CUBN: variants seen among roughly 807,000 people sequenced by gnomAD.
The protein encoded by CUBN is cubilin, also known as 460 kDa receptor.
A neutral mutation model predicts 405.3 loss-of-function variants in CUBN; 282 were observed. The observed-to-expected ratio is 0.70, with a 90% CI of 0.63 to 0.77. CUBN has a LOEUF of 0.77. CUBN is among the 30% of genes least tolerant of loss of function. CUBN has a pLI of 0.00. For missense variants in CUBN, 4,514 were observed against 4,475.2 expected (o/e 1.01, Z -0.25); for synonymous variants, 1,684 against 1,617.0 (o/e 1.04, Z -0.99).
intron 21 of CUBN, among the ~76,000 whole-genome samples, chr10:17,065,893 A>G (rs1425501460): frequency 6.6e-6 from 1 of 152,172 alleles, no homozygotes; most frequent in African/African-American, 2.4e-5. Flanking sequence ...AAGTTTAATA[A>G]AAGCTACACT....
At chr10:16,843,897 A>G (rs928081507) in intron 60 of CUBN, among the ~76,000 whole-genome samples, 2 of 152,218 alleles carry the variant, frequency 1.3e-5, no homozygotes, top group African/African-American at 4.8e-5. Context: ...TAAGTGCTAC[A>G]ATAAAATAAT....
At chr10:17,116,289 C>G (rs1173697417) in intron 6 of CUBN, among the ~76,000 whole-genome samples, 1 of 152,170 alleles carries the variant, frequency 6.6e-6, no homozygotes, top group Non-Finnish European at 1.5e-5. Context: ...TTGTTTTAAG[C>G]CCTTGTCATT....
At chr10:16,997,169 C>T (rs1213769225) in intron 28 of CUBN, among the ~76,000 whole-genome samples, 2 of 152,218 alleles carry the variant, frequency 1.3e-5, no homozygotes, top group Non-Finnish European at 2.9e-5. Context: ...GGCGCAGTGG[C>T]TCATGCCTGT....
intron 27 of CUBN, among the ~76,000 whole-genome samples, chr10:17,032,913 T>C (rs914262727): frequency 6.6e-6 from 1 of 152,172 alleles, no homozygotes; most frequent in Non-Finnish European, 1.5e-5. Flanking sequence ...CCTGTTGTTA[T>C]CCATCTCTGT....
At chr10:16,860,303 T>TA (rs1176232617) in intron 59 of CUBN, among the ~76,000 whole-genome samples, 3 of 152,052 alleles carry the variant, frequency 2.0e-5, no homozygotes, top group Non-Finnish European at 4.4e-5. Context: ...TAAAAGGGTT[T>TA]AAAAACATAT....
intron 40 of CUBN, among the ~76,000 whole-genome samples, chr10:16,929,881 T>G (rs1173755223): frequency 3.9e-5 from 6 of 152,238 alleles, no homozygotes; most frequent in Non-Finnish European, 8.8e-5. Context: ...CTATTGATTT[T>G]GATTTCTTTT....
chr10:17,039,384 A>G (rs1256068828), intron 27 of CUBN, among the ~76,000 whole-genome samples: 1 of 152,174 alleles, frequency 6.6e-6, no homozygotes, highest in African/African-American at 2.4e-5. Flanking sequence ...GAACTTACTG[A>G]ACTCCTGTAA....
At chr10:17,061,659 A>C (rs1051729618) in intron 22 of CUBN, among the ~76,000 whole-genome samples, 3 of 152,182 alleles carry the variant, frequency 2.0e-5, no homozygotes, top group African/African-American at 7.2e-5. Context: ...CCTGGGAAGG[A>C]GGGAGGCCAA....
chr10:17,072,158 G>A (rs1835755547), intron 17 of CUBN, among the ~76,000 whole-genome samples, 187 bp from the exon 18 acceptor site: 1 of 152,050 alleles, frequency 6.6e-6, no homozygotes, highest in Non-Finnish European at 1.5e-5. Context: ...ATGAAATGCT[G>A]ATAAAATCCT....
At chr10:17,003,114 T>C (rs1441092787) in intron 28 of CUBN, among the ~76,000 whole-genome samples, 1 of 152,216 alleles carries the variant, frequency 6.6e-6, no homozygotes, top group African/African-American at 2.4e-5. Flanking sequence ...AAATATCTCT[T>C]AACTTAAACA....
At chr10:17,009,121 G>A (rs1265675213) in intron 28 of CUBN, among the ~76,000 whole-genome samples, 2 of 152,156 alleles carry the variant, frequency 1.3e-5, no homozygotes, top group East Asian at 3.8e-4. Context: ...GAATATGATA[G>A]TCAATTTTGC....
chr10:16,997,495 A>G (rs1833768486), intron 28 of CUBN, among the ~76,000 whole-genome samples: 1 of 151,836 alleles, frequency 6.6e-6, no homozygotes, highest in Non-Finnish European at 1.5e-5. Flanking sequence ...AACTGCCAGC[A>G]AGGACCCTTT....
chr10:17,079,237 T>A (rs955375936), intron 17 of CUBN, among the ~76,000 whole-genome samples: 1 of 140,594 alleles, frequency 7.1e-6, no homozygotes, highest in African/African-American at 2.9e-5. Context: ...TGCAAACTCT[T>A]TTTTTTTTTT....
Position 16,871,481 on chromosome 10 carries a change from T to C in CUBN, c.9237-1628A>G, listed in dbSNP as rs184964814. Among the ~76,000 whole-genome samples the C allele has an allele frequency of 4.0e-4, 61 of 151,212 alleles. No individual in the cohort carries two copies. The Middle Eastern group carries it at 0.01, about 26-fold the overall frequency. On this transcript the variant is annotated intron_variant, in intron 58 of 66. Transcript: ENST00000377833. ...CTTTCAACAGCCTTGAGAAAAAAAA[T>C]TGTTGGTTTTTTTTCTAAAAGGTTT...
At chr10:16,948,145 G>T (rs111461446) in intron 35 of CUBN, among the ~76,000 whole-genome samples, 8,665 of 152,262 alleles carry the variant, frequency 0.057, 362 homozygotes, top group Non-Finnish European at 0.088. Context: ...GGAGGCAGAG[G>T]TTGCAGTGAG....
chr10:16,948,740 C>A (rs1284933975), intron 34 of CUBN, 134 bp from the exon 35 acceptor site: 1 of 1,021,466 alleles, frequency 9.8e-7, no homozygotes, highest in East Asian at 2.7e-5. Context: ...AGAACCACTT[C>A]ATTCAGGGTC....
At position 17,110,960 on chromosome 10, in the gene CUBN, A is replaced by T; in HGVS notation, c.974T>A (p.Val325Glu). 6.2e-7 allele frequency: 1 copy of T among 1,614,174 alleles called. No homozygotes were observed. The highest frequency in any genetic ancestry group is 1.1e-5 in the South Asian group (1 of 91,084). Reference sequence around the variant, plus strand: ...GCAGTGGGAAGACCCAGGTGTATTCACACACTCAACGGGTGGAGCCACAGA... The same window carrying T: ...GCAGTGGGAAGACCCAGGTGTATTCTCACACTCAACGGGTGGAGCCACAGA... ...GCSVAPPVEC[V>E]NTPGSSHCQA... The change falls in exon 9 of 67, where the codon GTG (valine) becomes GAG (glutamate). Residue 325 changes from valine (V) to glutamate (E), a missense_variant. Physicochemically the swap from Val to Glu is moderately radical, Grantham distance 121 (BLOSUM62 -2). This residue lies in a region of CUBN where 1,448 missense variants were observed against 1,388.0 expected (regional missense o/e 1.04). Coordinates refer to ENST00000377833, the MANE Select transcript of CUBN (RefSeq NM_001081.4).
At chr10:16,949,449 G>GTT (rs1213825194) in intron 34 of CUBN, among the ~76,000 whole-genome samples, 1 of 108,938 alleles carries the variant, frequency 9.2e-6, no homozygotes, top group African/African-American at 3.4e-5. Context: ...GTGTGTGTGT[G>GTT]TGTGTGTGTG....
chr10:16,848,840 C>T (rs956099797), intron 60 of CUBN, among the ~76,000 whole-genome samples: 2 of 151,762 alleles, frequency 1.3e-5, no homozygotes, highest in South Asian at 2.1e-4. Context: ...AAGCTGGTAC[C>T]GTAGGTGCAC....
Sources: allele counts gnomAD v4.1 joint callset (sites outside exome capture counted in the v4.1 genomes callset), GRCh38; gene constraint gnomAD v4.1.1; regional missense constraint gnomAD v4.1.1; transcripts MANE v1.5; gene names NCBI Gene and HGNC (gene_info 2026-07-23, HGNC 2026-07-21).